DOK6: variants seen among roughly 807,000 people sequenced by gnomAD.
DOK6 encodes docking protein 6, also known as downstream of tyrosine kinase 6.
A neutral mutation model predicts 44.0 loss-of-function variants in DOK6; 22 were observed. That is an observed-to-expected ratio of 0.50 (90% confidence interval 0.36 to 0.71). The LOEUF (loss-of-function observed/expected upper bound fraction) is 0.71. Ranked by LOEUF, DOK6 falls within the 30% of genes least tolerant of loss-of-function variation. The pLI is 0.00. For synonymous variants in DOK6, 166 were observed against 145.5 expected, an observed-to-expected ratio of 1.14 and a Z score of -1.01; for missense variants, 340 against 416.4, an observed-to-expected ratio of 0.82 and a Z score of 1.60.
chr18:69,506,355 CACA>C (rs1981185536), intron 1 of DOK6, among the ~76,000 whole-genome samples: 1 of 152,028 alleles, frequency 6.6e-6, no homozygotes, highest in South Asian at 2.1e-4. Context: ...AATAAAAATA[CACA>C]ACAATTTAAT....
At chr18:69,658,033 C>T (rs542445676) in intron 3 of DOK6, among the ~76,000 whole-genome samples, 1 of 152,242 alleles carries the variant, frequency 6.6e-6, no homozygotes, top group African/African-American at 2.4e-5. Context: ...CTCACTGTAG[C>T]CTCCATCTTC....
intron 1 of DOK6, among the ~76,000 whole-genome samples, chr18:69,473,342 T>C (rs966934509): frequency 6.6e-6 from 1 of 152,236 alleles, no homozygotes; most frequent in African/African-American, 2.4e-5. Flanking sequence ...CAACCCTAAT[T>C]TTTAAACAAT....
chr18:69,535,619 TA>T (rs1335920673), intron 1 of DOK6, among the ~76,000 whole-genome samples: 1 of 151,978 alleles, frequency 6.6e-6, no homozygotes, highest in Non-Finnish European at 1.5e-5. Context: ...ATATATATGA[TA>T]ATGGACATTA....
intron 2 of DOK6, among the ~76,000 whole-genome samples, chr18:69,593,807 A>G (rs1321993292): frequency 1.3e-5 from 2 of 152,228 alleles, no homozygotes; most frequent in African/African-American, 4.8e-5. Flanking sequence ...AAATAGATTT[A>G]TAAATGTTTT....
At chr18:69,806,333 C>A (rs1981051914) in intron 7 of DOK6, among the ~76,000 whole-genome samples, 1 of 151,876 alleles carries the variant, frequency 6.6e-6, no homozygotes, top group Non-Finnish European at 1.5e-5. Flanking sequence ...CATGCTAATT[C>A]TATTTCTGGA....
At chr18:69,533,896 C>T (rs758127056) in intron 1 of DOK6, among the ~76,000 whole-genome samples, 3 of 151,982 alleles carry the variant, frequency 2.0e-5, no homozygotes, top group Non-Finnish European at 2.9e-5. Flanking sequence ...AAAGCTTTTC[C>T]AATTCATTCT....
At chr18:69,477,887 A>T (rs1980311248) in intron 1 of DOK6, among the ~76,000 whole-genome samples, 1 of 152,190 alleles carries the variant, frequency 6.6e-6, no homozygotes, top group South Asian at 2.1e-4. Flanking sequence ...CTGTGAAAAG[A>T]ACACTACTGT....
intron 1 of DOK6, among the ~76,000 whole-genome samples, chr18:69,471,207 G>A (rs980047267): frequency 5.6e-4 from 70 of 124,492 alleles, no homozygotes; most frequent in African/African-American, 2.0e-3. Flanking sequence ...CTGAGATCGC[G>A]CCATTGCACT....
intron 7 of DOK6, among the ~76,000 whole-genome samples, chr18:69,774,133 G>GATATAGATATATAT (rs1555670148): frequency 3.0e-5 from 2 of 66,866 alleles, no homozygotes; most frequent in African/African-American, 8.3e-5. Flanking sequence ...ATATATATGA[G>GATATAGATATATAT]ATATATATAT....
intron 7 of DOK6, among the ~76,000 whole-genome samples, chr18:69,764,523 C>T (rs1979659729): frequency 6.6e-6 from 1 of 152,080 alleles, no homozygotes; most frequent in African/African-American, 2.4e-5. Flanking sequence ...AGCTTTTTCC[C>T]CTTCATGCTC....
chr18:69,798,594 C>G (rs1980815748), intron 7 of DOK6, among the ~76,000 whole-genome samples: 1 of 151,874 alleles, frequency 6.6e-6, no homozygotes, highest in African/African-American at 2.4e-5. Flanking sequence ...TTTCAAATCT[C>G]TGTGAAAGTT....
intron 3 of DOK6, among the ~76,000 whole-genome samples, chr18:69,675,608 A>G (rs914476111): frequency 3.3e-5 from 5 of 152,226 alleles, no homozygotes; most frequent in Non-Finnish European, 7.3e-5. Context: ...TGGCACATGT[A>G]TACATATGTA....
At chr18:69,520,682 T>C (rs892186682) in intron 1 of DOK6, among the ~76,000 whole-genome samples, 3 of 151,932 alleles carry the variant, frequency 2.0e-5, no homozygotes, top group Non-Finnish European at 4.4e-5. Context: ...AAGTTTGTGC[T>C]TGGACTTGGG....
At chr18:69,765,047 C>G (rs559835519) in intron 7 of DOK6, among the ~76,000 whole-genome samples, 1 of 152,242 alleles carries the variant, frequency 6.6e-6, no homozygotes, top group African/African-American at 2.4e-5. Context: ...TTAGAGATAA[C>G]CTTCAGAAAA....
At chr18:69,712,389 A>G (rs1986786104) in intron 5 of DOK6, among the ~76,000 whole-genome samples, 1 of 150,930 alleles carries the variant, frequency 6.6e-6, no homozygotes, top group Non-Finnish European at 1.5e-5. Context: ...ACTTTTATGA[A>G]AGAGGCAATG....
chr18:69,735,249 A>G (rs1333751976), intron 5 of DOK6, among the ~76,000 whole-genome samples: 1 of 152,242 alleles, frequency 6.6e-6, no homozygotes, highest in African/African-American at 2.4e-5. Flanking sequence ...ACAAACAGAC[A>G]TTTAGGGAAA....
chr18:69,736,478 T>TA (rs1978611827), intron 5 of DOK6, among the ~76,000 whole-genome samples: 1 of 152,224 alleles, frequency 6.6e-6, no homozygotes, highest in African/African-American at 2.4e-5. Flanking sequence ...ATTCATTTTG[T>TA]ACAAAGACAT....
chr18:69,578,279 C>T (rs954875960), intron 2 of DOK6, among the ~76,000 whole-genome samples: 31 of 151,944 alleles, frequency 2.0e-4, no homozygotes, highest in Admixed American at 9.2e-4. Context: ...AACATATTTC[C>T]CTATTTGTAA....
chr18:69,445,428 T>A (rs147488496), intron 1 of DOK6, among the ~76,000 whole-genome samples: 250 of 152,326 alleles, frequency 1.6e-3, no homozygotes, highest in African/African-American at 5.5e-3. Context: ...TATGAACTTT[T>A]CATAAACGCC....
Sources: allele counts gnomAD v4.1 joint callset (sites outside exome capture counted in the v4.1 genomes callset), GRCh38; gene constraint gnomAD v4.1.1; transcripts MANE v1.5; gene names NCBI Gene and HGNC (gene_info 2026-07-23, HGNC 2026-07-21).